The following CISTR variants were observed in gnomAD, a reference collection of about 807,000 sequenced individuals.
CISTR encodes the protein chondrogenesis-associated transcript.
chr12:53,753,712 G>A (rs1397924684), intron 1 of CISTR, among the ~76,000 whole-genome samples: 2 of 132,158 alleles, frequency 1.5e-5, no homozygotes, highest in African/African-American at 2.9e-5. Flanking sequence ...GTATGTGTGT[G>A]TGTCTGTGTG....
intron 1 of CISTR, among the ~76,000 whole-genome samples, chr12:53,755,581 C>A (rs1340312180): frequency 7.6e-6 from 1 of 131,684 alleles, no homozygotes; most frequent in Non-Finnish European, 1.6e-5. Flanking sequence ...ATGGAATGAC[C>A]CAGCTCCTGG....
chr12:53,752,979 C>A (rs12425605), intron 1 of CISTR, among the ~76,000 whole-genome samples: 19,724 of 151,734 alleles, frequency 0.13, 1,747 homozygotes, highest in Non-Finnish European at 0.2. Flanking sequence ...CCAGCTCCCC[C>A]AAGACTCCTG....
At chr12:53,753,663 GGGGT>G (rs1481657165) in intron 1 of CISTR, among the ~76,000 whole-genome samples, 16 of 122,888 alleles carry the variant, frequency 1.3e-4, no homozygotes, top group Admixed American at 1.1e-3. Context: ...GGAATGCATA[GGGGT>G]GTGTGTGTGT....
In CISTR at chr12:53,750,081, T is replaced by C. The variant is rs530778298; in HGVS notation, n.1063+236A>G. ...CATCTGATGATCTTGGGCACAGTGGTGCTGGCCTTGGGGATCTTACAGTCA... is the reference window on the plus strand; with the variant it reads ...CATCTGATGATCTTGGGCACAGTGGCGCTGGCCTTGGGGATCTTACAGTCA... On this transcript the variant is annotated intron_variant and non_coding_transcript_variant, in intron 2 of 2. Coordinates refer to ENST00000669269, the Ensembl canonical transcript of CISTR. 2.1e-4 allele frequency among the ~76,000 whole-genome samples: 32 copies of C among 152,300 alleles called. No individual in the cohort carries two copies. The South Asian group carries it at 6.4e-3, about 31-fold the overall frequency.
At chr12:53,750,962 A>C (rs1456478973) in exon 2 of CISTR, 1 of 152,692 alleles carries the variant, frequency 6.5e-6, no homozygotes, top group Non-Finnish European at 1.5e-5. Context: ...AAAACGGCAA[A>C]CAGCTACGGC....
rs1937849654 is a variant in CISTR at position 53,751,472 on chromosome 12, C to A, written n.415-507G>T. On this transcript the variant is annotated intron_variant and non_coding_transcript_variant, in intron 1 of 2. Coordinates refer to ENST00000669269, the Ensembl canonical transcript of CISTR. This position sits in a 1 kb window ranked among gnomAD's most constrained non-coding sequence, Gnocchi z 4.6. ...CGGCCGCGAATTCATTAGTGGGGGG[C>A]GGATGTAAACGCAGCGCGGTGGAAC... 6.6e-6 allele frequency among the ~76,000 whole-genome samples: 1 copy of A among 152,152 alleles called. No homozygotes were observed. Among genetic ancestry groups the A allele is most frequent in the African/African-American group, 2.4e-5 (1 of 41,436 alleles).
At chr12:53,755,183 A>G (rs1937901129) in intron 1 of CISTR, among the ~76,000 whole-genome samples, 1 of 152,154 alleles carries the variant, frequency 6.6e-6, no homozygotes, top group Admixed American at 6.5e-5. Context: ...GAAGGGTGGG[A>G]CGGGAGTTAT....
downstream of CISTR, among the ~76,000 whole-genome samples, chr12:53,746,338 G>T (rs541764326): frequency 2.0e-5 from 3 of 152,318 alleles, no homozygotes; most frequent in African/African-American, 7.2e-5. Flanking sequence ...GATGCTGTCT[G>T]GTTGTGGCCT....
intron 1 of CISTR, among the ~76,000 whole-genome samples, chr12:53,755,079 C>T (rs985650481): frequency 2.6e-5 from 4 of 152,214 alleles, no homozygotes; most frequent in African/African-American, 9.6e-5. Flanking sequence ...AGCCACCAAG[C>T]TGCATGCAGG....
chr12:53,754,430 T>C (rs957332291), intron 1 of CISTR: 8 of 152,112 alleles, frequency 5.3e-5, no homozygotes, highest in African/African-American at 1.9e-4. Flanking sequence ...ATTGGCTGCT[T>C]CCCGGAACAG....
At chr12:53,753,023 T>C in intron 1 of CISTR, among the ~76,000 whole-genome samples, 1 of 142,610 alleles carries the variant, frequency 7.0e-6, no homozygotes, top group African/African-American at 2.7e-5. Context: ...TAGAACCTCA[T>C]ACCATCATAC....
chr12:53,750,280 C>A (rs887122966), intron 2 of CISTR, among the ~76,000 whole-genome samples: 1 of 152,182 alleles, frequency 6.6e-6, no homozygotes, highest in Non-Finnish European at 1.5e-5. Flanking sequence ...AGAAACCCAA[C>A]AGGGCATGCA....
intron 2 of CISTR, among the ~76,000 whole-genome samples, chr12:53,747,452 G>T (rs183780015): frequency 6.6e-6 from 1 of 152,332 alleles, no homozygotes; most frequent in East Asian, 1.9e-4. Flanking sequence ...CTCCGTGGGG[G>T]TGGGCAAGGG....
At chr12:53,753,650 G>A (rs972652959) in intron 1 of CISTR, among the ~76,000 whole-genome samples, 1 of 151,234 alleles carries the variant, frequency 6.6e-6, no homozygotes, top group African/African-American at 2.4e-5. Context: ...GGCAGATGGG[G>A]AAGGAATGCA....
At chr12:53,746,935 T>C (rs533821451) in intron 2 of CISTR, among the ~76,000 whole-genome samples, 61 of 152,228 alleles carry the variant, frequency 4.0e-4, no homozygotes, top group Admixed American at 3.9e-3. Flanking sequence ...TTTGGAGGCA[T>C]TCACAACCTC....
At chr12:53,749,909 A>G (rs541373351) in intron 2 of CISTR, among the ~76,000 whole-genome samples, 1 of 152,308 alleles carries the variant, frequency 6.6e-6, no homozygotes, top group East Asian at 1.9e-4. Flanking sequence ...TCTGAAAGGC[A>G]ATCCTGAAGG....
intron 1 of CISTR, among the ~76,000 whole-genome samples, chr12:53,752,792 A>G (rs1169411119): frequency 1.3e-5 from 2 of 152,206 alleles, no homozygotes; most frequent in Non-Finnish European, 2.9e-5. Context: ...GAGGACCGGG[A>G]TTGGACTGAA....
chr12:53,752,575 A>G (rs184022333), intron 1 of CISTR, among the ~76,000 whole-genome samples: 2 of 152,184 alleles, frequency 1.3e-5, no homozygotes, highest in Non-Finnish European at 2.9e-5. Context: ...CATGGGACTT[A>G]GTCTATTAGC....
At chr12:53,750,216 T>A (rs1171128244) in intron 2 of CISTR, among the ~76,000 whole-genome samples, 2 of 152,084 alleles carry the variant, frequency 1.3e-5, no homozygotes, top group African/African-American at 4.8e-5. Context: ...TCCAAGCCAG[T>A]TAGTTCATCA....
Sources: gnomAD v4.1 joint callset for allele counts (sites outside exome capture counted in the v4.1 genomes callset) on GRCh38, gnomAD v4.1.1 for gene constraint, Gnocchi (gnomAD v3.1) non-coding constraint, MANE v1.5 for transcripts, NCBI Gene and HGNC (gene_info 2026-07-23, HGNC 2026-07-21) for gene names.